The following LDLRAD4 variants were observed in gnomAD, a reference collection of about 807,000 sequenced individuals.
LDLRAD4 encodes low density lipoprotein receptor class A domain containing 4.
In LDLRAD4, 5 loss-of-function variants were observed where a neutral mutation model predicts 17.0. The ratio of observed to expected loss-of-function variants is 0.29; its 90% CI spans 0.15 to 0.62. The LOEUF is 0.62. Ranked by LOEUF, LDLRAD4 falls within the 20% of genes least tolerant of loss-of-function variation. The probability of loss-of-function intolerance (pLI) is 0.84; values close to 1 mark genes in which losing one functional copy is unlikely to be tolerated. For missense variants in LDLRAD4, 340 were observed against 424.7 expected, an observed-to-expected ratio of 0.80 and a Z score of 1.75; for synonymous variants, 168 against 171.8, an observed-to-expected ratio of 0.98 and a Z score of 0.17.
chr18:13,532,710 G>A (rs888818810), intron 3 of LDLRAD4, among the ~76,000 whole-genome samples: 10 of 152,242 alleles, frequency 6.6e-5, no homozygotes, highest in African/African-American at 2.2e-4. Context: ...GGACTTGGCA[G>A]GACAGAGGCA....
chr18:13,631,253 A>G (rs1444146845), intron 4 of LDLRAD4, among the ~76,000 whole-genome samples: 1 of 152,254 alleles, frequency 6.6e-6, no homozygotes, highest in East Asian at 1.9e-4. Context: ...ATGCAAACCA[A>G]TTGGATAACC....
At chr18:13,582,221 C>G (rs1038616942) in intron 3 of LDLRAD4, among the ~76,000 whole-genome samples, 6 of 152,242 alleles carry the variant, frequency 3.9e-5, no homozygotes, top group African/African-American at 1.4e-4. Flanking sequence ...CACAGAAGCA[C>G]TCAGCAATGG....
At chr18:13,489,881 G>C (rs999257993) in intron 3 of LDLRAD4, 4 of 152,214 alleles carry the variant, frequency 2.6e-5, no homozygotes, top group African/African-American at 9.6e-5. Flanking sequence ...AAGAAGGAGG[G>C]AGGAGATTTG....
At position 13,442,467 on chromosome 18, in the gene LDLRAD4, G is replaced by A. The variant is rs149658649; in HGVS notation, c.181+4083G>A. Among the ~76,000 whole-genome samples, 4 of 152,330 alleles carry A rather than the reference G, an allele frequency of 2.6e-5. No homozygotes were observed. In the East Asian group the frequency reaches 7.7e-4, roughly 29 times the overall value. On this transcript the variant is annotated intron_variant, in intron 3 of 5. Transcript: ENST00000359446. ...AGCATGAGCGTAGGTTGGCAATGAGGGTGGCGCTGTCTTGGGACAGAAGGA... is the reference window on the plus strand; with the variant it reads ...AGCATGAGCGTAGGTTGGCAATGAGAGTGGCGCTGTCTTGGGACAGAAGGA...
At chr18:13,612,257 C>T in intron 3 of LDLRAD4, 2 of 995,484 alleles carry the variant, frequency 2.0e-6, no homozygotes, top group Non-Finnish European at 2.4e-6. Flanking sequence ...GTGTGTGACA[C>T]GTCCAGGTGT....
At chr18:13,219,667 A>G (rs186740889) in intron 1 of LDLRAD4, among the ~76,000 whole-genome samples, 12 of 152,276 alleles carry the variant, frequency 7.9e-5, no homozygotes, top group Admixed American at 6.5e-4. Context: ...ATAGGGTCCT[A>G]TGGCTGGTAA....
intron 3 of LDLRAD4, among the ~76,000 whole-genome samples, chr18:13,460,814 A>C (rs1371354527): frequency 6.6e-6 from 1 of 152,236 alleles, no homozygotes; most frequent in Admixed American, 6.5e-5. Flanking sequence ...TCCTAAGATA[A>C]ACACAAAATT....
chr18:13,338,568 G>T (rs1460952393), intron 1 of LDLRAD4, among the ~76,000 whole-genome samples: 1 of 152,202 alleles, frequency 6.6e-6, no homozygotes, highest in East Asian at 1.9e-4. Flanking sequence ...TAAAGATAAG[G>T]TTCTGGTGAA....
chr18:13,236,210 A>G (rs1423539489), intron 1 of LDLRAD4, among the ~76,000 whole-genome samples: 1 of 151,784 alleles, frequency 6.6e-6, no homozygotes, highest in African/African-American at 2.4e-5. Flanking sequence ...TGTGCAGAGC[A>G]GTTTCTCGTT....
At chr18:13,545,791 G>T (rs1483937789) in intron 3 of LDLRAD4, among the ~76,000 whole-genome samples, 1 of 152,194 alleles carries the variant, frequency 6.6e-6, no homozygotes, top group Non-Finnish European at 1.5e-5. Flanking sequence ...GTGGGGTGGA[G>T]CCTTCCAGGG....
At chr18:13,484,842 C>T (rs2093180160) in intron 3 of LDLRAD4, among the ~76,000 whole-genome samples, 1 of 152,068 alleles carries the variant, frequency 6.6e-6, no homozygotes, top group African/African-American at 2.4e-5. Flanking sequence ...ATTTAAATAT[C>T]CCTGGTGGTT....
intron 1 of LDLRAD4, among the ~76,000 whole-genome samples, chr18:13,231,479 A>G (rs1463505247): frequency 1.3e-5 from 2 of 152,164 alleles, no homozygotes; most frequent in East Asian, 3.9e-4. Context: ...ATCTTTGTCG[A>G]AAACCAAATC....
intron 1 of LDLRAD4, among the ~76,000 whole-genome samples, chr18:13,225,470 G>C (rs140341169): frequency 1.8e-3 from 277 of 152,332 alleles, no homozygotes; most frequent in Middle Eastern, 0.014. Flanking sequence ...AGCCCGGCAT[G>C]GGGCTGATTA....
At chr18:13,243,527 A>G (rs1299869155) in intron 1 of LDLRAD4, among the ~76,000 whole-genome samples, 2 of 142,460 alleles carry the variant, frequency 1.4e-5, no homozygotes, top group African/African-American at 5.3e-5. Context: ...CCCATCCATC[A>G]TCCATCCATC....
intron 5 of LDLRAD4, among the ~76,000 whole-genome samples, chr18:13,644,400 CAAAAAAAAAAAA>C (rs5823265): frequency 3.4e-5 from 2 of 58,636 alleles, no homozygotes; most frequent in African/African-American, 1.0e-4. Context: ...AACCCCATCT[CAAAAAAAAAAAA>C]AAAAAAAAAG....
intron 2 of LDLRAD4, among the ~76,000 whole-genome samples, chr18:13,410,218 G>C (rs928288010): frequency 6.6e-6 from 1 of 151,758 alleles, no homozygotes; most frequent in African/African-American, 2.4e-5. Flanking sequence ...CACACCACAG[G>C]CTCCTAGATG....
intron 3 of LDLRAD4, among the ~76,000 whole-genome samples, chr18:13,564,822 G>A (rs1288597373): frequency 6.6e-6 from 1 of 152,160 alleles, no homozygotes; most frequent in Non-Finnish European, 1.5e-5. Flanking sequence ...AAGTCCAGGT[G>A]TGCCTTGCTC....
chr18:13,589,647 C>T (rs906862749), intron 3 of LDLRAD4, among the ~76,000 whole-genome samples: 1 of 152,116 alleles, frequency 6.6e-6, no homozygotes, highest in African/African-American at 2.4e-5. Context: ...TCAGGCATGG[C>T]CCTTTCCCCC....
intron 1 of LDLRAD4, among the ~76,000 whole-genome samples, chr18:13,320,179 A>G (rs2081141335): frequency 6.6e-6 from 1 of 152,212 alleles, no homozygotes; most frequent in Non-Finnish European, 1.5e-5. Flanking sequence ...TTCTGTTTAC[A>G]AGAGAGAATG....
Sources: allele counts gnomAD v4.1 joint callset (sites outside exome capture counted in the v4.1 genomes callset), GRCh38; gene constraint gnomAD v4.1.1; transcripts MANE v1.5; gene names NCBI Gene and HGNC (gene_info 2026-07-23, HGNC 2026-07-21).